ATP11B: variants seen among roughly 807,000 people sequenced by gnomAD.
ATP11B encodes the protein phospholipid-transporting ATPase IF.
In ATP11B, 81 loss-of-function variants were observed where a neutral mutation model predicts 157.8. The ratio of observed to expected loss-of-function variants is 0.51; its 90% CI spans 0.43 to 0.62. The LOEUF is 0.62. Ranked by LOEUF, ATP11B falls within the 20% of genes least tolerant of loss-of-function variation. The probability of loss-of-function intolerance (pLI) is 0.00; values close to 1 mark genes in which losing one functional copy is unlikely to be tolerated. For missense variants in ATP11B, 1,165 were observed against 1,402.2 expected, an observed-to-expected ratio of 0.83 and a Z score of 2.70; for synonymous variants, 451 against 469.4, an observed-to-expected ratio of 0.96 and a Z score of 0.51.
At chr3:182,836,635 A>G (rs972652330) in intron 6 of ATP11B, 165 bp downstream of exon 6, 9 of 785,154 alleles carry the variant, frequency 1.1e-5, no homozygotes, top group Non-Finnish European at 1.7e-5. Flanking sequence ...TTGATGTTAT[A>G]TCTTTATTTC....
chr3:182,799,973 G>T (rs561088199), intron 1 of ATP11B, among the ~76,000 whole-genome samples: 1 of 152,226 alleles, frequency 6.6e-6, no homozygotes, highest in South Asian at 2.1e-4. Context: ...AGCTGGGCAT[G>T]GCGGTGCCTG....
intron 10 of ATP11B, among the ~76,000 whole-genome samples, chr3:182,849,555 GA>G (rs1719803102): frequency 6.6e-6 from 1 of 152,142 alleles, no homozygotes; most frequent in Non-Finnish European, 1.5e-5. Flanking sequence ...AAATTTGAAT[GA>G]ACATATGGGA....
chr3:182,852,933 C>G (rs527534953), intron 10 of ATP11B, among the ~76,000 whole-genome samples: 1 of 152,158 alleles, frequency 6.6e-6, no homozygotes, highest in Admixed American at 6.5e-5. Flanking sequence ...TTTAAAAATA[C>G]AAGCCATAGA....
At chr3:182,895,112 C>CA (rs368282275) in intron 25 of ATP11B, among the ~76,000 whole-genome samples, 2,179 of 67,168 alleles carry the variant, frequency 0.032, 27 homozygotes, top group African/African-American at 0.041. Flanking sequence ...GACCCTGACT[C>CA]AAAAAAAAAA....
chr3:182,851,032 C>T (rs1461960834), intron 10 of ATP11B, among the ~76,000 whole-genome samples: 1 of 152,208 alleles, frequency 6.6e-6, no homozygotes, highest in East Asian at 1.9e-4. Context: ...GTGGCACACA[C>T]CCGTAATCCC....
In ATP11B at chr3:182,920,976, G is replaced by T. The variant is rs191419794; in HGVS notation, c.*2872G>T. 5 of 152,190 alleles carry T rather than the reference G, an allele frequency of 3.3e-5. No individual in the cohort carries two copies. The East Asian group carries it at 7.7e-4, about 23-fold the overall frequency. 9.4% of individuals were successfully genotyped at this position (152,190 alleles called of 1,614,324 possible). A position where few individuals can be genotyped will look rare whatever the true frequency, so the allele number is the denominator to read the frequency against. ...AGGAAATACTTGCATTCTGCCCTAC[G>T]GTTAGTACCAGGACTGAGGTCATTT... On this transcript the variant is annotated 3_prime_UTR_variant, in exon 30 of 30. Transcript: ENST00000323116.
chr3:182,822,170 C>G (rs1717400047), intron 2 of ATP11B, among the ~76,000 whole-genome samples: 1 of 151,200 alleles, frequency 6.6e-6, no homozygotes, highest in African/African-American at 2.4e-5. Context: ...GCACAGCGTG[C>G]AGGTTTGTTA....
chr3:182,878,252 A>G (rs894570566), intron 19 of ATP11B, among the ~76,000 whole-genome samples: 1 of 152,256 alleles, frequency 6.6e-6, no homozygotes, highest in African/African-American at 2.4e-5. Context: ...AAAGTTTCTT[A>G]TAAGACTAAA....
chr3:182,828,024 G>A (rs984012613), intron 2 of ATP11B, 96 bp from the exon 3 acceptor site: 28 of 458,676 alleles, frequency 6.1e-5, no homozygotes, highest in Non-Finnish European at 1.0e-4. Flanking sequence ...TTTGTCTAAG[G>A]GGTTAGTAAA....
At position 182,866,265 on chromosome 3, in the gene ATP11B, C is replaced by T; in HGVS notation, c.1444-3C>T. ...ATCATGAATATTAATTACATTTTTA[C>T]AGATTAAAGAACATGATCTCTTCTT... On this transcript the variant is annotated splice_region_variant and splice_polypyrimidine_tract_variant and intron_variant, in intron 13 of 29. Transcript: ENST00000323116. The T allele has an allele frequency of 3.9e-6, 6 of 1,530,108 alleles. No individual in the cohort carries two copies. Among genetic ancestry groups the T allele is most frequent in the Non-Finnish European group, 5.3e-6 (6 of 1,132,708 alleles). The allele number at this position is 1,530,108 out of a possible 1,614,324, so 94.8% of individuals were successfully genotyped here. A position where few individuals can be genotyped will look rare whatever the true frequency, so the allele number is the denominator to read the frequency against.
At chr3:182,917,131 G>C (rs537168237) in intron 29 of ATP11B, 2 of 985,312 alleles carry the variant, frequency 2.0e-6, no homozygotes, top group Non-Finnish European at 2.4e-6. Flanking sequence ...TTTGACAAAG[G>C]TGAATTGGGG....
chr3:182,873,700 T>G, intron 18 of ATP11B, 112 bp from the exon 19 acceptor site: 1 of 858,984 alleles, frequency 1.2e-6, no homozygotes, highest in East Asian at 2.7e-5. Flanking sequence ...ATAATAACAT[T>G]CCTAGGTCAA....
intron 1 of ATP11B, among the ~76,000 whole-genome samples, chr3:182,810,366 G>A (rs559498296): frequency 6.6e-6 from 1 of 152,176 alleles, no homozygotes; most frequent in Non-Finnish European, 1.5e-5. Context: ...AATTATGTTA[G>A]TGTGATCCAG....
Position 182,916,706 on chromosome 3 carries a change from T to A in ATP11B, c.3453-1317T>A, listed in dbSNP as rs1725164584. On this transcript the variant is annotated intron_variant, in intron 29 of 29. Coordinates refer to ENST00000323116, the MANE Select transcript of ATP11B (RefSeq NM_014616.3). ...ATTATATTTAACATATGAATGCACA[T>A]GTGTGCTTTGAAAAAAAATTTAAAA... 4.1e-6 allele frequency: 4 copies of A among 983,120 alleles called. No homozygotes were observed. The South Asian group carries it at 1.9e-4, about 46-fold the overall frequency. The allele number at this position is 983,120 out of a possible 1,614,324, so 60.9% of individuals were successfully genotyped here. A position where few individuals can be genotyped will look rare whatever the true frequency, so the allele number is the denominator to read the frequency against.
chr3:182,876,583 G>C (rs1469014226), intron 19 of ATP11B, among the ~76,000 whole-genome samples: 3 of 152,120 alleles, frequency 2.0e-5, no homozygotes, highest in Non-Finnish European at 4.4e-5. Context: ...GAAGATCAAG[G>C]CACCAGCAAG....
At position 182,847,975 on chromosome 3, in the gene ATP11B, A is replaced by G. The variant is rs73883914; in HGVS notation, c.770-501A>G. ...GCACATTTTTTAAATAGCACTTTCC[A>G]TGTGCTTACTTGATTTACTCTGACA... On this transcript the variant is annotated intron_variant, in intron 9 of 29. Transcript: ENST00000323116. Among the ~76,000 whole-genome samples the G allele has an allele frequency of 6.1e-3, 927 of 152,230 alleles. 11 individuals are homozygous for G. The highest frequency in any genetic ancestry group is 0.021 in the African/African-American group (857 of 41,560).
chr3:182,877,188 G>A (rs1379236684), intron 19 of ATP11B, among the ~76,000 whole-genome samples: 1 of 152,172 alleles, frequency 6.6e-6, no homozygotes, highest in African/African-American at 2.4e-5. Flanking sequence ...TGTATCTGAG[G>A]CAAGAACAGA....
At position 182,859,293 on chromosome 3, in the gene ATP11B, G is replaced by C; in HGVS notation, c.1134G>C (p.Leu378=). 6.2e-7 allele frequency: 1 copy of C among 1,611,026 alleles called. No individual in the cohort carries two copies. Among genetic ancestry groups the C allele is most frequent in the Admixed American group, 1.7e-5 (1 of 59,776 alleles). The change falls in exon 12 of 30, where the codon CTG becomes CTC. Residue 378 remains leucine (L), a synonymous_variant. Coordinates refer to ENST00000323116, the MANE Select transcript of ATP11B (RefSeq NM_014616.3). ...GSFFIGWDLD[L]YHEESDQKAQ... is the part of the protein sequence containing the mutation. The stretch of plus-strand genomic sequence containing the variant: ...TTTTTATTGGCTGGGATCTTGATCT[G>C]TATCATGAAGAATCAGATCAGAAAG...
intron 1 of ATP11B, among the ~76,000 whole-genome samples, chr3:182,807,624 T>A (rs1441958900): frequency 6.6e-6 from 1 of 152,144 alleles, no homozygotes; most frequent in Non-Finnish European, 1.5e-5. Context: ...AGAGATAAGG[T>A]GGTGCCCATT....
Sources: gnomAD v4.1 joint callset for allele counts (sites outside exome capture counted in the v4.1 genomes callset) on GRCh38, gnomAD v4.1.1 for gene constraint, MANE v1.5 for transcripts, NCBI Gene and HGNC (gene_info 2026-07-23, HGNC 2026-07-21) for gene names.